Variants in ZFAND3 observed in about 807,000 individuals in gnomAD.
ZFAND3 encodes the protein zinc finger AN1-type containing 3.
Under a neutral mutation model 29.6 loss-of-function variants are expected in ZFAND3, and 10 were observed. That is an observed-to-expected ratio of 0.34 (90% CI 0.21 to 0.57). ZFAND3 has a LOEUF of 0.57. Ranked by LOEUF, ZFAND3 falls within the 20% of genes least tolerant of loss-of-function variation. The probability of loss-of-function intolerance (pLI) is 0.86; values close to 1 mark genes in which losing one functional copy is unlikely to be tolerated. For synonymous variants in ZFAND3, 128 were observed against 112.6 expected (o/e 1.14, Z -0.87); for missense variants, 230 against 304.5 (o/e 0.76, Z 1.82).
intron 2 of ZFAND3, among the ~76,000 whole-genome samples, chr6:38,058,642 C>T (rs186049358): frequency 9.3e-4 from 141 of 152,288 alleles, no homozygotes; most frequent in Non-Finnish European, 1.5e-3. Flanking sequence ...ACATGGAGGT[C>T]TCTTTCTTGG....
intron 3 of ZFAND3, among the ~76,000 whole-genome samples, chr6:38,062,078 C>G (rs1764252840): frequency 6.6e-6 from 1 of 152,152 alleles, no homozygotes; most frequent in Non-Finnish European, 1.5e-5. Context: ...GCACCATTCC[C>G]TCGTTCTCAT....
At chr6:38,087,189 CA>C (rs1166516882) in intron 4 of ZFAND3, among the ~76,000 whole-genome samples, 1 of 152,136 alleles carries the variant, frequency 6.6e-6, no homozygotes, top group African/African-American at 2.4e-5. Flanking sequence ...AAAATAAAAT[CA>C]AAGTGGATTA....
intron 2 of ZFAND3, among the ~76,000 whole-genome samples, chr6:38,055,629 G>T (rs545343769): frequency 1.3e-5 from 2 of 152,242 alleles, no homozygotes; most frequent in Non-Finnish European, 2.9e-5. Flanking sequence ...CCCAACTTTA[G>T]TGTCTACAAT....
chr6:38,091,852 A>G (rs1486901789), intron 4 of ZFAND3, among the ~76,000 whole-genome samples: 1 of 151,488 alleles, frequency 6.6e-6, no homozygotes, highest in Non-Finnish European at 1.5e-5. Context: ...AGCAATTATA[A>G]ACAGGATAAA....
intron 1 of ZFAND3, among the ~76,000 whole-genome samples, chr6:37,867,354 C>T (rs979707501): frequency 6.6e-6 from 1 of 152,160 alleles, no homozygotes; most frequent in African/African-American, 2.4e-5. Flanking sequence ...CAGAAGTGGC[C>T]ATGTCACTCT....
At chr6:37,981,709 T>A (rs994137658) in intron 2 of ZFAND3, among the ~76,000 whole-genome samples, 1 of 152,218 alleles carries the variant, frequency 6.6e-6, no homozygotes, top group Non-Finnish European at 1.5e-5. Context: ...AAATTTTTCC[T>A]TGTAGAAGGT....
intron 2 of ZFAND3, among the ~76,000 whole-genome samples, chr6:37,958,447 C>G (rs1055794570): frequency 1.9e-5 from 2 of 106,770 alleles, no homozygotes; most frequent in Non-Finnish European, 3.6e-5. Flanking sequence ...GAACAAGACT[C>G]GGTCTCAAAA....
intron 2 of ZFAND3, among the ~76,000 whole-genome samples, chr6:38,031,655 G>C (rs1193981231): frequency 6.6e-6 from 1 of 152,130 alleles, no homozygotes; most frequent in Non-Finnish European, 1.5e-5. Flanking sequence ...AGGAGCCTTA[G>C]CTTCTCCAAT....
At chr6:38,080,652 C>T (rs532102896) in intron 3 of ZFAND3, among the ~76,000 whole-genome samples, 4 of 152,112 alleles carry the variant, frequency 2.6e-5, no homozygotes, top group Non-Finnish European at 5.9e-5. Context: ...CAGACTTTAA[C>T]TCAGTCTTCT....
chr6:37,906,655 A>G (rs1414403959), intron 1 of ZFAND3, among the ~76,000 whole-genome samples: 1 of 150,200 alleles, frequency 6.7e-6, no homozygotes, highest in Non-Finnish European at 1.5e-5. Context: ...TTAGCAATGT[A>G]TGAGGGTTCC....
intron 2 of ZFAND3, among the ~76,000 whole-genome samples, chr6:37,983,870 C>G (rs1040428666): frequency 1.3e-5 from 2 of 152,174 alleles, no homozygotes; most frequent in Non-Finnish European, 2.9e-5. Flanking sequence ...GAAGTTCACT[C>G]TATGATGTTC....
intron 2 of ZFAND3, among the ~76,000 whole-genome samples, chr6:37,937,158 C>T (rs1761712759): frequency 6.6e-6 from 1 of 152,162 alleles, no homozygotes; most frequent in Admixed American, 6.5e-5. Flanking sequence ...TTGTAGGTTA[C>T]AGCTGAATTT....
At chr6:38,076,824 T>C (rs1245998723) in intron 3 of ZFAND3, among the ~76,000 whole-genome samples, 1 of 152,206 alleles carries the variant, frequency 6.6e-6, no homozygotes, top group Non-Finnish European at 1.5e-5. Flanking sequence ...AAACAATTCA[T>C]GAATCCCAGG....
At chr6:38,107,037 G>A (rs1214823754) in intron 4 of ZFAND3, among the ~76,000 whole-genome samples, 1 of 152,102 alleles carries the variant, frequency 6.6e-6, no homozygotes, top group South Asian at 2.1e-4. Flanking sequence ...GAATTTTAGA[G>A]AATTGAGTAA....
At chr6:38,074,178 C>A (rs1764510226) in intron 3 of ZFAND3, among the ~76,000 whole-genome samples, 2 of 152,126 alleles carry the variant, frequency 1.3e-5, no homozygotes, top group South Asian at 4.1e-4. Context: ...CTTTCCTTTT[C>A]CAACTACATA....
chr6:37,837,663 C>T (rs905793380), intron 1 of ZFAND3, among the ~76,000 whole-genome samples: 1 of 152,106 alleles, frequency 6.6e-6, no homozygotes, highest in Non-Finnish European at 1.5e-5. Flanking sequence ...CGCCACCACA[C>T]CCGGCTAACT....
At chr6:37,823,594 T>G (rs1763705288) in intron 1 of ZFAND3, among the ~76,000 whole-genome samples, 1 of 152,170 alleles carries the variant, frequency 6.6e-6, no homozygotes, top group Non-Finnish European at 1.5e-5. Flanking sequence ...AGTGTACAAT[T>G]CAAATGCGTT....
intron 2 of ZFAND3, among the ~76,000 whole-genome samples, chr6:37,980,163 CTT>C (rs5875605): frequency 2.5e-3 from 350 of 141,498 alleles, no homozygotes; most frequent in Middle Eastern, 7.1e-3. Context: ...AGGTCACTGT[CTT>C]TTTTTTTTTT....
rs751922845 is a variant in ZFAND3 at position 38,152,290 on chromosome 6, C to T, written c.585C>T (p.Asp195=). The change falls in exon 6 of 6, where the codon GAC becomes GAT. Residue 195 remains aspartate (D), a synonymous_variant. Coordinates refer to ENST00000287218, the MANE Select transcript of ZFAND3 (RefSeq NM_021943.3). ...CCGAGCAGCACGACTGCACATTCGA[C>T]CACATGGGCCGTGGCCGGGAGGAAG... ...RLPEQHDCTF[D]HMGRGREEAI... 1 of 1,607,466 alleles carries T rather than the reference C, an allele frequency of 6.2e-7. No individual in the cohort carries two copies. The highest frequency in any genetic ancestry group is 1.1e-5 in the South Asian group (1 of 90,100).
Sources: gnomAD v4.1 joint callset for allele counts (sites outside exome capture counted in the v4.1 genomes callset) on GRCh38, gnomAD v4.1.1 for gene constraint, MANE v1.5 for transcripts, NCBI Gene and HGNC (gene_info 2026-07-23, HGNC 2026-07-21) for gene names.